Variants in ZNF101 observed in about 807,000 individuals in gnomAD.
ZNF101 encodes the protein zinc finger protein 101.
A neutral mutation model predicts 42.6 loss-of-function variants in ZNF101; 34 were observed. That is an observed-to-expected ratio of 0.80 (90% CI 0.61 to 1.06). The LOEUF (loss-of-function observed/expected upper bound fraction) is 1.06, where lower values mean the gene tolerates loss of function less well. ZNF101 is among the 50% of genes least tolerant of loss of function. The pLI is 0.00. For missense variants in ZNF101, 466 were observed against 530.9 expected (o/e 0.88, Z 1.20); for synonymous variants, 158 against 183.9 (o/e 0.86, Z 1.14).
chr19:19,678,208 A>G lies in ZNF101; in HGVS notation c.130+218A>G, dbSNP rs1175580404. Among the ~76,000 whole-genome samples the G allele has an allele frequency of 8.6e-5, 13 of 151,168 alleles. No individual in the cohort carries two copies. In the East Asian group the frequency reaches 2.3e-3, roughly 27 times the overall value. ...GGAGTTTGAGACCAGCCTGGGCAAC[A>G]TGATGAGACCCTGTCTCTTTAAAAA... On this transcript the variant is annotated intron_variant, in intron 2 of 3. Transcript: ENST00000592502.
chr19:19,679,069 G>C, intron 3 of ZNF101, 112 bp from the exon 4 acceptor site: 1 of 1,483,344 alleles, frequency 6.7e-7, no homozygotes, highest in South Asian at 1.4e-5. Context: ...TGACCCAGGA[G>C]AAAACCTCCA....
chr19:19,680,259 T>C lies in ZNF101; in HGVS notation c.1270T>C (p.Phe424Leu), dbSNP rs781628893. The stretch of plus-strand genomic sequence containing the variant: ...TCATTTGGCCGGGCGTAGCCAGTGC[T>C]TTGGCAGGAGGCAGGGGGATCACCT... ...RTHLAGRSQC[F>L]GRRQGDHLSP... The change falls in exon 4 of 4, where the codon TTT becomes CTT. Residue 424 changes from phenylalanine (F) to leucine (L), a missense_variant. Transcript: ENST00000592502. 2 of 1,543,338 alleles carry C rather than the reference T, an allele frequency of 1.3e-6. No homozygotes were observed. Among genetic ancestry groups the C allele is most frequent in the African/African-American group, 2.8e-5 (2 of 72,352 alleles).
upstream of ZNF101, chr19:19,668,768 TC>T (rs1192261098): frequency 1.3e-5 from 8 of 618,752 alleles, no homozygotes; most frequent in African/African-American, 1.5e-4. Flanking sequence ...CGGCAAACTG[TC>T]CAATCAGGTG....
intron 2 of ZNF101, among the ~76,000 whole-genome samples, chr19:19,678,275 G>A (rs904525618): frequency 1.3e-5 from 2 of 150,584 alleles, no homozygotes; most frequent in Admixed American, 6.6e-5. Flanking sequence ...GGCAGCTCAT[G>A]CCTATAATCC....
In ZNF101 at chr19:19,679,637, A is replaced by G; in HGVS notation, c.648A>G (p.Gly216=). Residue 216 remains glycine (G), a synonymous_variant, in exon 4 of 4, where the codon GGA becomes GGG. Coordinates refer to ENST00000592502, the MANE Select transcript of ZNF101 (RefSeq NM_033204.4). The part of the protein sequence containing the change: ...FTVSSFFRKH[G]KMHTGEKRYE... ...TTTCCAGTTTCTTTCGAAAACATGG[A>G]AAAATGCATACTGGAGAAAAACGCT... 1 of 1,612,940 alleles carries G rather than the reference A, an allele frequency of 6.2e-7. No individual in the cohort carries two copies. The highest frequency in any genetic ancestry group is 8.5e-7 in the Non-Finnish European group (1 of 1,179,314).
At chr19:19,673,556 TAA>T (rs892877368) in intron 1 of ZNF101, among the ~76,000 whole-genome samples, 15 of 152,156 alleles carry the variant, frequency 9.9e-5, no homozygotes, top group Admixed American at 7.2e-4. Flanking sequence ...CCAAATAATG[TAA>T]AGTCTTCGAA....
rs774598408 is a variant in ZNF101 at position 19,679,627 on chromosome 19, G to A, written c.638G>A (p.Arg213Gln). 1.2e-5 allele frequency: 19 copies of A among 1,612,540 alleles called. No homozygotes were observed. Among genetic ancestry groups the A allele is most frequent in the Middle Eastern group, 3.3e-4 (2 of 6,078 alleles). The stretch of plus-strand genomic sequence containing the variant: ...GCCTTCACAGTTTCCAGTTTCTTTC[G>A]AAAACATGGAAAAATGCATACTGGA... ...VRAFTVSSFF[R>Q]KHGKMHTGEK... The change falls in exon 4 of 4, where the codon CGA (arginine) becomes CAA (glutamine). Residue 213 changes from arginine (R) to glutamine (Q), a missense_variant. Arg to Gln is a conservative substitution (Grantham distance 43). Coordinates refer to ENST00000592502, the MANE Select transcript of ZNF101 (RefSeq NM_033204.4).
chr19:19,679,364 T>C lies in ZNF101; in HGVS notation c.375T>C (p.Ala125=), dbSNP rs752847329. 2.5e-6 allele frequency: 4 copies of C among 1,614,144 alleles called. No individual in the cohort carries two copies. In the African/African-American group the frequency reaches 4.0e-5, roughly 16 times the overall value. The change falls in exon 4 of 4, where the codon GCT becomes GCC. Residue 125 remains alanine (A), a synonymous_variant. Transcript: ENST00000592502. ...TGGACAGGCACATGAGAGCTCATGC[T>C]GGACACAAACGATCTGAGTGTGGTG... ...SFLDRHMRAH[A]GHKRSECGGE...
At position 19,680,248 on chromosome 19, in the gene ZNF101, G is replaced by A. The variant is rs751969180; in HGVS notation, c.1259G>A (p.Arg420His). 27 of 1,555,158 alleles carry A rather than the reference G, an allele frequency of 1.7e-5. No individual in the cohort carries two copies. Among genetic ancestry groups the A allele is most frequent in the East Asian group, 2.3e-5 (1 of 44,422 alleles). Reference protein sequence around the residue: ...RLHERTHLAGRSQCFGRRQGD... With the variant: ...RLHERTHLAGHSQCFGRRQGD... ...CATGAAAGAACTCATTTGGCCGGGC[G>A]TAGCCAGTGCTTTGGCAGGAGGCAG... Residue 420 changes from arginine to histidine, a missense_variant, in exon 4 of 4, where the codon CGT (arginine) becomes CAT (histidine). Physicochemically the swap from Arg to His is conservative, Grantham distance 29 (BLOSUM62 0). Transcript: ENST00000592502.
At chr19:19,671,116 A>G (rs1390586818) in intron 1 of ZNF101, among the ~76,000 whole-genome samples, 5 of 152,110 alleles carry the variant, frequency 3.3e-5, no homozygotes, top group East Asian at 3.9e-4. Context: ...CAAAAAATAC[A>G]TAATAAAAAA....
At chr19:19,675,328 G>A (rs987582479) in intron 1 of ZNF101, among the ~76,000 whole-genome samples, 2 of 151,308 alleles carry the variant, frequency 1.3e-5, no homozygotes, top group African/African-American at 2.4e-5. Flanking sequence ...TAGTAGAGAC[G>A]GAGTTTCACC....
At chr19:19,677,718 A>C in intron 1 of ZNF101, 146 bp from the exon 2 acceptor site, 4 of 1,140,256 alleles carry the variant, frequency 3.5e-6, no homozygotes, top group East Asian at 3.1e-5. Flanking sequence ...CGAGGGAGGA[A>C]GTGCGTGTAG....
chr19:19,679,012 G>A (rs2062219788), intron 3 of ZNF101, among the ~76,000 whole-genome samples, 169 bp from the exon 4 acceptor site: 1 of 152,168 alleles, frequency 6.6e-6, no homozygotes, highest in Non-Finnish European at 1.5e-5. Flanking sequence ...AACTGCTATG[G>A]GGAGCTGGGT....
At chr19:19,672,168 ATATATT>A (rs1487805200) in intron 1 of ZNF101, 3 of 148,798 alleles carry the variant, frequency 2.0e-5, no homozygotes, top group Non-Finnish European at 4.5e-5. Flanking sequence ...ATGATTATAT[ATATATT>A]TATAAATTTA....
rs1271833627 is a variant in ZNF101 at position 19,682,437 on chromosome 19, T to G, written c.*2137T>G. 2.6e-5 allele frequency: 4 copies of G among 152,090 alleles called. No homozygotes were observed. Among genetic ancestry groups the G allele is most frequent in the African/African-American group, 9.7e-5 (4 of 41,420 alleles). The allele number at this position is 152,090 out of a possible 1,614,324, so 9.4% of individuals were successfully genotyped here. On this transcript the variant is annotated 3_prime_UTR_variant, in exon 4 of 4. Transcript: ENST00000592502. ...GGTTTTTCCACATTGGCCAGGCTGG[T>G]CTTGAACTCCTGACCTCAAGGAATC...
At position 19,680,245 on chromosome 19, in the gene ZNF101, G is replaced by A. The variant is rs2062232053; in HGVS notation, c.1256G>A (p.Gly419Glu). ...LRLHERTHLA[G>E]RSQCFGRRQG... is the part of the protein sequence containing the mutation. ...CTTCATGAAAGAACTCATTTGGCCG[G>A]GCGTAGCCAGTGCTTTGGCAGGAGG... Residue 419 changes from glycine (G) to glutamate (E), a missense_variant, in exon 4 of 4, where the codon GGG becomes GAG. Physicochemically the swap from Gly to Glu is moderately conservative, Grantham distance 98. Coordinates refer to ENST00000592502, the MANE Select transcript of ZNF101 (RefSeq NM_033204.4). 1.3e-6 allele frequency: 2 copies of A among 1,556,806 alleles called. No homozygotes were observed. The highest frequency in any genetic ancestry group is 1.7e-6 in the Non-Finnish European group (2 of 1,155,052).
Position 19,680,532 on chromosome 19 carries a change from T to C in ZNF101, c.*232T>C. The C allele has an allele frequency of 3.8e-6, 1 of 261,048 alleles. No individual in the cohort carries two copies. The highest frequency in any genetic ancestry group is 7.2e-6 in the Non-Finnish European group (1 of 138,130). The allele number at this position is 261,048 out of a possible 1,614,324, so 16.2% of individuals were successfully genotyped here. A position where few individuals can be genotyped will look rare whatever the true frequency, so the allele number is the denominator to read the frequency against. On this transcript the variant is annotated 3_prime_UTR_variant, in exon 4 of 4. Coordinates refer to ENST00000592502, the MANE Select transcript of ZNF101 (RefSeq NM_033204.4). ...TACTCGGGAGGCCGAGGCAGGAGAA[T>C]CGCTTGAACCTGGGAGGTGGAGGTT...
intron 1 of ZNF101, among the ~76,000 whole-genome samples, chr19:19,670,974 C>G (rs985477999): frequency 6.6e-6 from 1 of 152,152 alleles, no homozygotes. Flanking sequence ...GGCGTGGTGG[C>G]GAGCGCCTGT....
chr19:19,674,265 C>G (rs1489516283), intron 1 of ZNF101, among the ~76,000 whole-genome samples: 1 of 152,130 alleles, frequency 6.6e-6, no homozygotes. Flanking sequence ...CAACCTCTGC[C>G]TCCTGGGTTC....
Sources: gnomAD v4.1 joint callset for allele counts (sites outside exome capture counted in the v4.1 genomes callset) on GRCh38, gnomAD v4.1.1 for gene constraint, MANE v1.5 for transcripts, NCBI Gene and HGNC (gene_info 2026-07-23, HGNC 2026-07-21) for gene names.